Variants in RARB observed in about 807,000 individuals in gnomAD.
RARB encodes the protein HBV-activated protein.
In RARB, 17 loss-of-function variants were observed where a neutral mutation model predicts 51.9. The ratio of observed to expected loss-of-function variants is 0.33; its 90% confidence interval spans 0.22 to 0.49. RARB has a LOEUF of 0.49. Among genes scored for constraint, RARB ranks in the 20% least tolerant of loss-of-function variants. The probability of loss-of-function intolerance (pLI) is 0.99; values close to 1 mark genes in which losing one functional copy is unlikely to be tolerated. For synonymous variants in RARB, 215 were observed against 195.4 expected, an observed-to-expected ratio of 1.10 and a Z score of -0.84; for missense variants, 369 against 550.8, an observed-to-expected ratio of 0.67 and a Z score of 3.30.
intron 2 of RARB, among the ~76,000 whole-genome samples, chr3:24,861,995 A>T (rs1575040737): frequency 6.6e-6 from 1 of 152,176 alleles, no homozygotes; most frequent in Non-Finnish European, 1.5e-5. Flanking sequence ...CAAACTTCTC[A>T]CTGTGACTAC....
chr3:25,347,169 T>C (rs988954882), intron 5 of RARB, among the ~76,000 whole-genome samples: 2 of 152,172 alleles, frequency 1.3e-5, no homozygotes, highest in African/African-American at 4.8e-5. Context: ...CTCTAAGAAA[T>C]TGAACAATTA....
At chr3:25,478,257 G>A (rs902417693) in intron 2 of RARB, among the ~76,000 whole-genome samples, 2 of 152,156 alleles carry the variant, frequency 1.3e-5, no homozygotes, top group Non-Finnish European at 2.9e-5. Flanking sequence ...CTTTCATTGG[G>A]ATAGTGCCAT....
intron 5 of RARB, among the ~76,000 whole-genome samples, chr3:25,375,422 C>T (rs1172265532): frequency 2.0e-5 from 3 of 152,186 alleles, no homozygotes; most frequent in African/African-American, 4.8e-5. Flanking sequence ...GTGTTAATAT[C>T]AGTGGTTACC....
intron 3 of RARB, among the ~76,000 whole-genome samples, chr3:25,099,045 T>C (rs1603987): frequency 0.88 from 133,463 of 152,168 alleles, 58,757 homozygotes; most frequent in African/African-American, 0.94. Context: ...GCAACCTCAG[T>C]GCTTGGCTGT....
intron 5 of RARB, among the ~76,000 whole-genome samples, chr3:25,332,084 T>C (rs1704915206): frequency 6.6e-6 from 1 of 152,200 alleles, no homozygotes; most frequent in African/African-American, 2.4e-5. Context: ...ACAGCCAAAT[T>C]CTACCAGAGG....
chr3:25,567,082 G>T (rs967844015), intron 3 of RARB, among the ~76,000 whole-genome samples: 2 of 152,214 alleles, frequency 1.3e-5, no homozygotes, highest in South Asian at 4.1e-4. Context: ...GACTCAAACA[G>T]TTCCTGGTAT....
rs756454697 is a variant in RARB, at chr3:25,596,556, T to C, written c.1287T>C (p.Pro429=). 15 of 1,613,778 alleles carry C rather than the reference T, an allele frequency of 9.3e-6. No homozygotes were observed. The highest frequency in any genetic ancestry group is 1.2e-5 in the Non-Finnish European group (14 of 1,179,814). Residue 429 remains proline (P), a synonymous_variant, in exon 8 of 8, where the codon CCT becomes CCC. Coordinates refer to ENST00000330688, the MANE Select transcript of RARB (RefSeq NM_000965.5). ...GTGGGAACACAGCAGAGCACAGTCC[T>C]AGCATCTCACCCAGCTCAGTGGAAA... ...SSSGNTAEHS[P]SISPSSVENS...
intron 2 of RARB, among the ~76,000 whole-genome samples, chr3:24,907,170 AC>A (rs1575065371): frequency 1.3e-5 from 2 of 152,190 alleles, no homozygotes; most frequent in African/African-American, 4.8e-5. Context: ...CCATGGGCAA[AC>A]CCCTGAGGAA....
At chr3:25,563,610 A>C (rs17526839) in intron 3 of RARB, among the ~76,000 whole-genome samples, 9,982 of 152,276 alleles carry the variant, frequency 0.066, 328 homozygotes, top group Non-Finnish European at 0.076. Context: ...AGTCTCTAAC[A>C]ATTAGTAATA....
intron 5 of RARB, among the ~76,000 whole-genome samples, chr3:25,406,584 A>G (rs1707415116): frequency 6.6e-6 from 1 of 152,200 alleles, no homozygotes; most frequent in Non-Finnish European, 1.5e-5. Context: ...GTCATATTGG[A>G]TTAGGACTCC....
rs142259396 is a variant in RARB at position 25,224,698 on chromosome 3, C to G, written c.178+50123C>G. Among the ~76,000 whole-genome samples the G allele has an allele frequency of 1.5e-3, 234 of 152,228 alleles. 1 individual carries two copies. Among genetic ancestry groups the G allele is most frequent in the African/African-American group, 5.4e-3 (224 of 41,552 alleles). On this transcript the variant is annotated intron_variant, in intron 5 of 11. Coordinates refer to the RARB transcript ENST00000383772. ...TAATGGCTCACTGTAACCTCAACCT[C>G]CTGGGCTCAAGCAATCTTCTCACCT... is the stretch of plus-strand genomic sequence containing the variant.
intron 5 of RARB, among the ~76,000 whole-genome samples, chr3:25,275,557 C>T (rs1703360803): frequency 6.6e-6 from 1 of 152,216 alleles, no homozygotes. Context: ...CATACGGCAA[C>T]CCTTTGATAA....
chr3:25,457,393 C>G (rs1004718539), intron 1 of RARB, among the ~76,000 whole-genome samples: 11 of 152,314 alleles, frequency 7.2e-5, no homozygotes, highest in Non-Finnish European at 1.2e-4. Flanking sequence ...CTATTGTACT[C>G]ACATGAGAAA....
intron 2 of RARB, among the ~76,000 whole-genome samples, chr3:25,040,263 CT>C (rs1559444173): frequency 6.6e-6 from 1 of 152,118 alleles, no homozygotes; most frequent in Non-Finnish European, 1.5e-5. Flanking sequence ...TGCACTTGGC[CT>C]TTTTTATATA....
chr3:25,561,674 A>T (rs551867045), intron 3 of RARB, among the ~76,000 whole-genome samples: 2 of 152,146 alleles, frequency 1.3e-5, no homozygotes, highest in Non-Finnish European at 2.9e-5. Flanking sequence ...TCTATTTTAC[A>T]TAACATTTTA....
At chr3:25,520,142 C>T (rs1453235917) in intron 3 of RARB, among the ~76,000 whole-genome samples, 1 of 152,152 alleles carries the variant, frequency 6.6e-6, no homozygotes, top group African/African-American at 2.4e-5. Flanking sequence ...CCATACTGCC[C>T]ACAAAACCTA....
chr3:25,431,371 T>G (rs1708200385), intron 1 of RARB, among the ~76,000 whole-genome samples: 1 of 152,184 alleles, frequency 6.6e-6, no homozygotes, highest in African/African-American at 2.4e-5. Context: ...TTATTTTCTT[T>G]TTAATTTTAA....
chr3:25,439,528 C>G (rs1216534425), intron 1 of RARB, among the ~76,000 whole-genome samples: 1 of 152,138 alleles, frequency 6.6e-6, no homozygotes, highest in Admixed American at 6.5e-5. Context: ...GCCTCAGCCT[C>G]CCATGTAGCT....
chr3:25,258,867 G>C (rs939170695), intron 5 of RARB, among the ~76,000 whole-genome samples: 7 of 152,034 alleles, frequency 4.6e-5, no homozygotes, highest in Non-Finnish European at 2.9e-5. Context: ...TCTTAATAGA[G>C]GTCCCTGAAT....
Sources: gnomAD v4.1 joint callset for allele counts (sites outside exome capture counted in the v4.1 genomes callset) on GRCh38, gnomAD v4.1.1 for gene constraint, MANE v1.5 for transcripts, NCBI Gene and HGNC (gene_info 2026-07-23, HGNC 2026-07-21) for gene names.